ZMAT5: variants seen among roughly 807,000 people sequenced by gnomAD.
ZMAT5 encodes zinc finger matrin-type protein 5.
In ZMAT5, 23 loss-of-function variants were observed where a neutral mutation model predicts 28.0. The ratio of observed to expected loss-of-function variants is 0.82; its 90% CI spans 0.59 to 1.16. The LOEUF (loss-of-function observed/expected upper bound fraction) is 1.16. Ranked by LOEUF, ZMAT5 falls within the 50% of genes most tolerant of loss-of-function variation. The probability of loss-of-function intolerance (pLI) is 0.00; values close to 1 mark genes in which losing one functional copy is unlikely to be tolerated. For missense variants in ZMAT5, 173 were observed against 212.7 expected (o/e 0.81, Z 1.16); for synonymous variants, 76 against 84.1 (o/e 0.90, Z 0.52).
chr22:29,758,974 G>C (rs2068130023), intron 1 of ZMAT5: 1 of 152,200 alleles, frequency 6.6e-6, no homozygotes, highest in Admixed American at 6.5e-5. Context: ...GGATGAACCA[G>C]CCAGGGGTGG....
chr22:29,748,682 AC>A, intron 1 of ZMAT5, 111 bp from the exon 2 acceptor site: 2 of 1,356,510 alleles, frequency 1.5e-6, no homozygotes, highest in South Asian at 1.4e-5. Flanking sequence ...ACTCATATGC[AC>A]CCCGCCCCAT....
At chr22:29,742,179 G>A (rs975515435) in intron 3 of ZMAT5, among the ~76,000 whole-genome samples, 4 of 152,190 alleles carry the variant, frequency 2.6e-5, no homozygotes, top group Non-Finnish European at 5.9e-5. Flanking sequence ...CCCACGCCTT[G>A]CTTGTTCTAG....
At chr22:29,754,094 G>A (rs1427699045) in intron 1 of ZMAT5, among the ~76,000 whole-genome samples, 1 of 152,098 alleles carries the variant, frequency 6.6e-6, no homozygotes, top group Non-Finnish European at 1.5e-5. Context: ...CAGCCGAGGA[G>A]GGGTCAGGGA....
At chr22:29,745,836 A>G (rs2068004695) in intron 2 of ZMAT5, among the ~76,000 whole-genome samples, 1 of 152,216 alleles carries the variant, frequency 6.6e-6, no homozygotes, top group Non-Finnish European at 1.5e-5. Context: ...GTATATCCGC[A>G]AGTCCCTGCG....
chr22:29,746,748 A>G (rs1373709227), intron 2 of ZMAT5: 2 of 152,322 alleles, frequency 1.3e-5, no homozygotes, highest in Non-Finnish European at 2.9e-5. Flanking sequence ...CATCTTTTCT[A>G]TAAGTGACAC....
chr22:29,731,200 T>G lies in ZMAT5; in HGVS notation c.*25A>C. The G allele has an allele frequency of 1.4e-6, 2 of 1,473,380 alleles. No individual in the cohort carries two copies. Among genetic ancestry groups the G allele is most frequent in the East Asian group, 2.7e-5 (1 of 36,556 alleles). 91.3% of individuals were successfully genotyped at this position (1,473,380 alleles called of 1,614,324 possible). On this transcript the variant is annotated 3_prime_UTR_variant, in exon 6 of 6. Coordinates refer to ENST00000344318, the MANE Select transcript of ZMAT5 (RefSeq NM_001003692.2). Reference sequence around the variant, plus strand: ...GTGACTGATGAGAAAAGTGACCACGTGGGGGTCAGTCGGGGGCAAGGGGCT... The same window carrying G: ...GTGACTGATGAGAAAAGTGACCACGGGGGGGTCAGTCGGGGGCAAGGGGCT...
chr22:29,741,200 C>T (rs576437280), intron 3 of ZMAT5, among the ~76,000 whole-genome samples: 32 of 152,368 alleles, frequency 2.1e-4, no homozygotes, highest in Non-Finnish European at 4.3e-4. Context: ...GCTTCAGTGG[C>T]AGCTTTGCCA....
chr22:29,744,774 T>C (rs2067994704), intron 2 of ZMAT5, among the ~76,000 whole-genome samples: 1 of 152,172 alleles, frequency 6.6e-6, no homozygotes, highest in African/African-American at 2.4e-5. Flanking sequence ...GCCCCAGCCC[T>C]CTCAGGTTCT....
chr22:29,737,602 G>A (rs560261269), intron 5 of ZMAT5, among the ~76,000 whole-genome samples: 15 of 152,204 alleles, frequency 9.9e-5, no homozygotes, highest in Non-Finnish European at 2.1e-4. Flanking sequence ...GCTCCTGGGC[G>A]CAGCTTTATC....
chr22:29,757,206 A>G (rs1215620660), intron 1 of ZMAT5, among the ~76,000 whole-genome samples: 1 of 140,106 alleles, frequency 7.1e-6, no homozygotes, highest in Non-Finnish European at 1.5e-5. Context: ...ACAGGGTGAG[A>G]CCCCAATCTC....
chr22:29,731,222 G>C lies in ZMAT5; in HGVS notation c.*3C>G. The stretch of plus-strand genomic sequence containing the variant: ...ACGTGGGGGTCAGTCGGGGGCAAGG[G>C]GCTCAGCCCCACTGGACTCTGGGCT... On this transcript the variant is annotated 3_prime_UTR_variant, in exon 6 of 6. Coordinates refer to ENST00000344318, the MANE Select transcript of ZMAT5 (RefSeq NM_001003692.2). The C allele has an allele frequency of 6.7e-7, 1 of 1,495,630 alleles. No individual in the cohort carries two copies. Among genetic ancestry groups the C allele is most frequent in the Non-Finnish European group, 8.8e-7 (1 of 1,133,710 alleles). 92.6% of individuals were successfully genotyped at this position (1,495,630 alleles called of 1,614,324 possible).
intron 5 of ZMAT5, among the ~76,000 whole-genome samples, chr22:29,736,891 G>A (rs575139654): frequency 2.0e-5 from 3 of 152,006 alleles, no homozygotes; most frequent in Admixed American, 2.0e-4. Context: ...GCCGGGCGTG[G>A]TGGCGGGTGC....
intron 5 of ZMAT5, chr22:29,731,561 TGCAGGCAGACATTGA>T (rs1260269010): frequency 3.6e-6 from 2 of 561,930 alleles, no homozygotes; most frequent in Non-Finnish European, 2.9e-6. Flanking sequence ...ATAGCGGGGT[TGCAGGCAGACATTGA>T]GCTGCGAGAC....
chr22:29,738,290 C>A, intron 5 of ZMAT5, 40 bp downstream of exon 5: 1 of 1,582,250 alleles, frequency 6.3e-7, no homozygotes, highest in South Asian at 1.1e-5. Context: ...GGGTTTTGCC[C>A]CCAGGGGGCA....
At chr22:29,760,903 A>C (rs566182307) in intron 1 of ZMAT5, among the ~76,000 whole-genome samples, 1 of 152,326 alleles carries the variant, frequency 6.6e-6, no homozygotes, top group South Asian at 2.1e-4. Flanking sequence ...TAAAAATAGA[A>C]GCATAAGAGC....
chr22:29,742,582 G>C, intron 2 of ZMAT5, 102 bp from the exon 3 acceptor site: 7 of 1,085,390 alleles, frequency 6.4e-6, no homozygotes, highest in Non-Finnish European at 9.7e-6. Flanking sequence ...TCTCGACACA[G>C]CTGTGCAGAA....
chr22:29,735,964 C>T (rs762978779), intron 5 of ZMAT5, among the ~76,000 whole-genome samples: 2 of 152,200 alleles, frequency 1.3e-5, no homozygotes, highest in African/African-American at 2.4e-5. Flanking sequence ...CACAGGGACT[C>T]CATGAAACCT....
intron 1 of ZMAT5, among the ~76,000 whole-genome samples, chr22:29,752,121 G>A (rs2068060297): frequency 6.6e-6 from 1 of 152,122 alleles, no homozygotes; most frequent in Non-Finnish European, 1.5e-5. Flanking sequence ...CCAGACAGGT[G>A]CCATGAGGGG....
intron 4 of ZMAT5, 79 bp downstream of exon 4, chr22:29,740,571 T>C: frequency 4.2e-6 from 6 of 1,431,598 alleles, no homozygotes; most frequent in South Asian, 1.2e-5. Context: ...TAGGGAGGCA[T>C]AGGCCAGCTT....
Sources: gnomAD v4.1 joint callset for allele counts (sites outside exome capture counted in the v4.1 genomes callset) on GRCh38, gnomAD v4.1.1 for gene constraint, MANE v1.5 for transcripts, NCBI Gene and HGNC (gene_info 2026-07-23, HGNC 2026-07-21) for gene names.